ZDHHC14: variants seen among roughly 807,000 people sequenced by gnomAD.
ZDHHC14 encodes palmitoyltransferase ZDHHC14.
In ZDHHC14, 16 loss-of-function variants were observed where a neutral mutation model predicts 47.7. The ratio of observed to expected loss-of-function variants is 0.34; its 90% CI spans 0.23 to 0.51. ZDHHC14 has a LOEUF of 0.51. ZDHHC14 is among the 20% of genes least tolerant of loss of function. The probability of loss-of-function intolerance (pLI) is 0.97; values close to 1 mark genes in which losing one functional copy is unlikely to be tolerated. For missense variants in ZDHHC14, 515 were observed against 662.5 expected, an observed-to-expected ratio of 0.78 and a Z score of 2.44; for synonymous variants, 293 against 278.9, an observed-to-expected ratio of 1.05 and a Z score of -0.50.
chr6:157,570,770 C>CAT lies in ZDHHC14; in HGVS notation c.407-22208_407-22207dup, dbSNP rs200489975. Among the ~76,000 whole-genome samples the CAT allele has an allele frequency of 5.4e-3, 659 of 121,580 alleles. 5 individuals are homozygous for CAT. The highest frequency in any genetic ancestry group is 0.022 in the African/African-American group (617 of 28,382). 79.8% of individuals were successfully genotyped at this position (121,580 alleles called of 152,430 possible). ...GTATATACATACACACACACACACA[C>CAT]ATATATATATACACACACACACACA... is the stretch of plus-strand genomic sequence containing the variant. On this transcript the variant is annotated intron_variant, in intron 2 of 8. Coordinates refer to ENST00000359775, the MANE Select transcript of ZDHHC14 (RefSeq NM_024630.3).
intron 1 of ZDHHC14, among the ~76,000 whole-genome samples, chr6:157,390,224 C>T (rs566251824): frequency 1.3e-5 from 2 of 152,202 alleles, no homozygotes; most frequent in South Asian, 4.1e-4. Context: ...GATATTAGCC[C>T]ATGGTCTTCT....
intron 1 of ZDHHC14, among the ~76,000 whole-genome samples, chr6:157,507,918 A>G (rs192093812): frequency 4.1e-4 from 62 of 152,312 alleles, no homozygotes; most frequent in Admixed American, 1.2e-3. Flanking sequence ...TGAGATTTTA[A>G]ATATCTGAAA....
At chr6:157,579,202 T>G (rs1350057138) in intron 2 of ZDHHC14, among the ~76,000 whole-genome samples, 104 of 127,512 alleles carry the variant, frequency 8.2e-4, no homozygotes, top group African/African-American at 3.2e-3. Flanking sequence ...TTTTTTTTTT[T>G]TTTTTTTTTT....
chr6:157,453,788 T>TTGTGTGTGTGTGTGTGTG (rs371025248), intron 1 of ZDHHC14, among the ~76,000 whole-genome samples: 21 of 148,192 alleles, frequency 1.4e-4, no homozygotes, highest in Middle Eastern at 3.4e-3. Flanking sequence ...TTTTTGTGTT[T>TTGTGTGTGTGTGTGTGTG]TGTGTGTGTG....
intron 3 of ZDHHC14, among the ~76,000 whole-genome samples, chr6:157,602,109 G>A (rs1231073801): frequency 6.6e-6 from 1 of 151,962 alleles, no homozygotes; most frequent in African/African-American, 2.4e-5. Flanking sequence ...GGCTTAGGCA[G>A]GAGAATTGCT....
intron 3 of ZDHHC14, among the ~76,000 whole-genome samples, chr6:157,604,478 A>G (rs895105813): frequency 1.1e-4 from 16 of 152,068 alleles, no homozygotes; most frequent in African/African-American, 3.6e-4. Context: ...AGAACAATAC[A>G]GCCTCTCACA....
chr6:157,550,094 A>G (rs1007877010), intron 2 of ZDHHC14, among the ~76,000 whole-genome samples: 3 of 152,182 alleles, frequency 2.0e-5, no homozygotes, highest in Admixed American at 2.0e-4. Flanking sequence ...TCCTTACAGG[A>G]AGAGAAATTG....
intron 1 of ZDHHC14, among the ~76,000 whole-genome samples, chr6:157,489,852 G>A (rs967746951): frequency 6.6e-6 from 1 of 152,224 alleles, no homozygotes; most frequent in Admixed American, 6.5e-5. Context: ...CACTGCTATG[G>A]GAGTGGGGAA....
chr6:157,651,769 A>C (rs1423577644), intron 7 of ZDHHC14, among the ~76,000 whole-genome samples: 3 of 152,116 alleles, frequency 2.0e-5, no homozygotes, highest in Non-Finnish European at 4.4e-5. Context: ...GTGGGGTTTC[A>C]CCATGTTGAC....
chr6:157,659,329 C>T (rs1778242417), intron 8 of ZDHHC14, among the ~76,000 whole-genome samples: 1 of 152,248 alleles, frequency 6.6e-6, no homozygotes, highest in African/African-American at 2.4e-5. Context: ...GACCTGGGAA[C>T]CTCTAGCAGA....
At chr6:157,524,595 G>A (rs1781092901) in intron 1 of ZDHHC14, among the ~76,000 whole-genome samples, 1 of 152,154 alleles carries the variant, frequency 6.6e-6, no homozygotes, top group South Asian at 2.1e-4. Flanking sequence ...CTTGGTCATT[G>A]TTTCTGTAAA....
intron 2 of ZDHHC14, among the ~76,000 whole-genome samples, chr6:157,588,778 G>A (rs1783791844): frequency 6.6e-6 from 1 of 152,092 alleles, no homozygotes; most frequent in Admixed American, 6.5e-5. Context: ...TGTGTGGACT[G>A]GGGAGTATTT....
chr6:157,458,301 A>G (rs762034751), intron 1 of ZDHHC14, among the ~76,000 whole-genome samples: 3 of 152,152 alleles, frequency 2.0e-5, no homozygotes, highest in Non-Finnish European at 4.4e-5. Flanking sequence ...TTAGACCCTA[A>G]TAGTCCCCAA....
At chr6:157,395,333 T>A (rs1432465079) in intron 1 of ZDHHC14, among the ~76,000 whole-genome samples, 1 of 150,686 alleles carries the variant, frequency 6.6e-6, no homozygotes, top group Non-Finnish European at 1.5e-5. Flanking sequence ...GCTAATTTTT[T>A]TTTTTTTTTT....
At chr6:157,445,881 C>T (rs1340259068) in intron 1 of ZDHHC14, among the ~76,000 whole-genome samples, 2 of 152,118 alleles carry the variant, frequency 1.3e-5, no homozygotes, top group Non-Finnish European at 2.9e-5. Flanking sequence ...ACTTAATATC[C>T]TTCTCCCAGC....
chr6:157,436,350 T>C (rs958851528), intron 1 of ZDHHC14, among the ~76,000 whole-genome samples: 1 of 152,248 alleles, frequency 6.6e-6, no homozygotes, highest in Admixed American at 6.5e-5. Flanking sequence ...CAGTGAAGCA[T>C]GTGCTTGGTA....
intron 3 of ZDHHC14, among the ~76,000 whole-genome samples, chr6:157,625,127 C>T (rs1785350149): frequency 6.6e-6 from 1 of 152,180 alleles, no homozygotes; most frequent in South Asian, 2.1e-4. Context: ...CACCTCTCAA[C>T]ACTGTTGCAC....
chr6:157,438,832 A>G (rs1778499278), intron 1 of ZDHHC14, among the ~76,000 whole-genome samples: 2 of 152,192 alleles, frequency 1.3e-5, no homozygotes, highest in South Asian at 4.1e-4. Flanking sequence ...AGAGCTGTGG[A>G]ATTTATGGAT....
intron 2 of ZDHHC14, among the ~76,000 whole-genome samples, chr6:157,579,167 C>CATTTTA (rs201093794): frequency 0.027 from 3,557 of 133,886 alleles, 122 homozygotes; most frequent in Non-Finnish European, 0.04. Context: ...GCACTATGGC[C>CATTTTA]ATTTTAATGA....
Sources: gnomAD v4.1 joint callset for allele counts (sites outside exome capture counted in the v4.1 genomes callset) on GRCh38, gnomAD v4.1.1 for gene constraint, MANE v1.5 for transcripts, NCBI Gene and HGNC (gene_info 2026-07-23, HGNC 2026-07-21) for gene names.